YEATS4: variants seen among roughly 807,000 people sequenced by gnomAD.
YEATS4 encodes YEATS domain-containing protein 4.
A neutral mutation model predicts 30.1 loss-of-function variants in YEATS4; 17 were observed. The observed-to-expected ratio is 0.56, with a 90% CI of 0.39 to 0.85. YEATS4 has a LOEUF of 0.85. Ranked by LOEUF, YEATS4 falls within the 40% of genes least tolerant of loss-of-function variation. The probability of loss-of-function intolerance (pLI) is 0.00; values close to 1 mark genes in which losing one functional copy is unlikely to be tolerated. For synonymous variants in YEATS4, 85 were observed against 87.5 expected (o/e 0.97, Z 0.16); for missense variants, 142 against 268.3 (o/e 0.53, Z 3.29).
At chr12:69,403,628 A>G in the YEATS4 span, among the ~76,000 whole-genome samples, 2 of 151,968 alleles carry the variant, frequency 1.3e-5, no homozygotes, top group African/African-American at 2.4e-5. Flanking sequence ...GAACCATGAC[A>G]TACAAGCACA....
chr12:69,405,954 C>T, the YEATS4 span, among the ~76,000 whole-genome samples: 2 of 152,190 alleles, frequency 1.3e-5, no homozygotes, highest in African/African-American at 4.8e-5. Flanking sequence ...AGGTAGCTAA[C>T]TTTGCAAATA....
chr12:69,402,528 A>G, the YEATS4 span, among the ~76,000 whole-genome samples: 1 of 152,090 alleles, frequency 6.6e-6, no homozygotes, highest in Non-Finnish European at 1.5e-5. Flanking sequence ...CTTTTTCTGA[A>G]AAGGGCCAGA....
chr12:69,408,700 A>G, the YEATS4 span, among the ~76,000 whole-genome samples: 4 of 152,214 alleles, frequency 2.6e-5, no homozygotes, highest in African/African-American at 9.6e-5. Flanking sequence ...AGTCTCCAGA[A>G]CTGCAGGCTT....
At chr12:69,372,062 A>G (rs1436181488) in intron 6 of YEATS4, among the ~76,000 whole-genome samples, 2 of 152,208 alleles carry the variant, frequency 1.3e-5, no homozygotes, top group African/African-American at 4.8e-5. Context: ...AGATGAGATC[A>G]GAGAAGTTAA....
intron 6 of YEATS4, among the ~76,000 whole-genome samples, chr12:69,373,081 A>G (rs1207819244): frequency 1.3e-5 from 2 of 152,224 alleles, no homozygotes; most frequent in African/African-American, 4.8e-5. Context: ...TATTGTGAAT[A>G]GTACTGCAAT....
the YEATS4 span, among the ~76,000 whole-genome samples, chr12:69,411,268 C>T: frequency 1.6e-4 from 24 of 152,102 alleles, 1 homozygote; most frequent in South Asian, 4.4e-3. Context: ...TAGCTGGGAC[C>T]GCAGGCCTGT....
At chr12:69,361,160 T>C (rs1875186713) in intron 1 of YEATS4, among the ~76,000 whole-genome samples, 1 of 151,548 alleles carries the variant, frequency 6.6e-6, no homozygotes, top group South Asian at 2.1e-4. Context: ...ATCGTGCCAC[T>C]GCACTCTAGC....
the YEATS4 span, among the ~76,000 whole-genome samples, chr12:69,416,001 A>G: frequency 6.6e-6 from 1 of 152,190 alleles, no homozygotes; most frequent in East Asian, 1.9e-4. Flanking sequence ...TCTATTTGTC[A>G]TATTCTGTCA....
At chr12:69,398,911 G>A in the YEATS4 span, among the ~76,000 whole-genome samples, 2 of 151,912 alleles carry the variant, frequency 1.3e-5, no homozygotes, top group Admixed American at 1.3e-4. Flanking sequence ...AGCACTTTAA[G>A]AGGCTGAGGC....
chr12:69,383,173 G>C (rs1007731789), intron 6 of YEATS4, among the ~76,000 whole-genome samples: 1 of 152,088 alleles, frequency 6.6e-6, no homozygotes, highest in African/African-American at 2.4e-5. Flanking sequence ...CTGAGGTTGG[G>C]GGATTACTTG....
intron 6 of YEATS4, among the ~76,000 whole-genome samples, chr12:69,381,394 T>C (rs1876074100): frequency 1.3e-5 from 2 of 152,240 alleles, no homozygotes; most frequent in African/African-American, 4.8e-5. Flanking sequence ...AACCAATTGC[T>C]GTTATCCTGT....
chr12:69,389,804 C>A (rs372187902), intron 6 of YEATS4, among the ~76,000 whole-genome samples: 1 of 152,016 alleles, frequency 6.6e-6, no homozygotes, highest in Non-Finnish European at 1.5e-5. Flanking sequence ...TAAGCCACTG[C>A]GCCCAGTCAC....
At chr12:69,388,758 G>A (rs534766891) in intron 6 of YEATS4, among the ~76,000 whole-genome samples, 1 of 152,206 alleles carries the variant, frequency 6.6e-6, no homozygotes, top group African/African-American at 2.4e-5. Flanking sequence ...GGCTTTTTCT[G>A]TACCAGGCAG....
the YEATS4 span, among the ~76,000 whole-genome samples, chr12:69,403,930 T>C: frequency 6.6e-6 from 1 of 152,168 alleles, no homozygotes; most frequent in Non-Finnish European, 1.5e-5. Flanking sequence ...TTCACCATGA[T>C]TTTTTTGTTT....
Position 69,390,310 on chromosome 12 carries a change from CAT to C in YEATS4, c.682_683del (p.Ter228AsnfsTer11), listed in dbSNP as rs764605510. On this transcript the variant is annotated frameshift_variant, in exon 7 of 7. Transcript: ENST00000247843. LOFTEE classifies it high-confidence loss of function. ...TTGAAGAAGATGACCAAGCAAAAGA[CAT>C]ATAAACAGTTCTCATGAGAACTTGG... ...KLEEDDQAKD[I>X] is the part of the protein sequence containing the mutation. 1.3e-6 allele frequency: 2 copies of C among 1,576,828 alleles called. No homozygotes were observed. Among genetic ancestry groups the C allele is most frequent in the Non-Finnish European group, 1.7e-6 (2 of 1,169,812 alleles).
Position 69,370,806 on chromosome 12 carries a change from G to T in YEATS4, c.426+8G>T. ...GAGTTCTATGATGAAATGGTAAGAA[G>T]ATTTTATAATGATAGTTTTAAAAGC... On this transcript the variant is annotated splice_region_variant and intron_variant, in intron 5 of 6. Coordinates refer to ENST00000247843, the MANE Select transcript of YEATS4 (RefSeq NM_006530.4). 6.3e-7 allele frequency: 1 copy of T among 1,596,938 alleles called. No homozygotes were observed. The highest frequency in any genetic ancestry group is 8.5e-7 in the Non-Finnish European group (1 of 1,174,810).
intron 4 of YEATS4, 55 bp downstream of exon 4, chr12:69,365,939 A>G (rs1875411632): frequency 2.3e-6 from 3 of 1,280,472 alleles, no homozygotes; most frequent in African/African-American, 1.5e-5. Flanking sequence ...AAATGTGAAC[A>G]TGTAATAATA....
At chr12:69,381,638 A>G (rs1004942210) in intron 6 of YEATS4, among the ~76,000 whole-genome samples, 9 of 152,266 alleles carry the variant, frequency 5.9e-5, no homozygotes, top group Non-Finnish European at 1.0e-4. Flanking sequence ...CAGAGATTGT[A>G]GTAAAGACAG....
Position 69,365,616 on chromosome 12 carries a change from A to C in YEATS4, c.172-17A>C, listed in dbSNP as rs1479807177. ...TCATTTGTAGATCATAAAACTAACT[A>C]ATTCCTTATATTTTAGGATATGTCA... is the stretch of plus-strand genomic sequence containing the variant. On this transcript the variant is annotated splice_polypyrimidine_tract_variant and intron_variant, in intron 2 of 6. Transcript: ENST00000247843. 6.4e-7 allele frequency: 1 copy of C among 1,570,458 alleles called. No homozygotes were observed. The highest frequency in any genetic ancestry group is 2.2e-5 in the East Asian group (1 of 44,528).
Sources: allele counts gnomAD v4.1 joint callset (sites outside exome capture counted in the v4.1 genomes callset), GRCh38; gene constraint gnomAD v4.1.1; transcripts MANE v1.5; gene names NCBI Gene and HGNC (gene_info 2026-07-23, HGNC 2026-07-21).